SCP2: variants seen among roughly 807,000 people sequenced by gnomAD.
SCP2 encodes SCP-2/3-oxoacyl-CoA thiolase.
Under a neutral mutation model 71.4 loss-of-function variants are expected in SCP2, and 48 were observed. The ratio of observed to expected loss-of-function variants is 0.67; its 90% CI spans 0.53 to 0.86. SCP2 has a LOEUF of 0.86. SCP2 is among the 40% of genes least tolerant of loss of function. The pLI, the probability that SCP2 is intolerant of heterozygous loss-of-function variation, is 0.00. For synonymous variants in SCP2, 220 were observed against 218.1 expected (o/e 1.01, Z -0.08); for missense variants, 560 against 655.6 (o/e 0.85, Z 1.59).
chr1:52,956,337 C>G lies in SCP2; in HGVS notation c.396+1533C>G, dbSNP rs536796157. On this transcript the variant is annotated intron_variant, in intron 5 of 15. Transcript: ENST00000371514. Reference sequence around the variant, plus strand: ...AAAATGAGTTGAAGATAATTTTTTACTGTTATCTAAGATTATACTATTATC... The same window carrying G: ...AAAATGAGTTGAAGATAATTTTTTAGTGTTATCTAAGATTATACTATTATC... Among the ~76,000 whole-genome samples, 20 of 152,212 alleles carry G rather than the reference C, an allele frequency of 1.3e-4. No individual in the cohort carries two copies. In the East Asian group the frequency reaches 3.9e-3, roughly 29 times the overall value.
intron 14 of SCP2, among the ~76,000 whole-genome samples, chr1:53,040,591 G>T (rs1377461784): frequency 2.0e-5 from 3 of 152,022 alleles, no homozygotes. Context: ...CGTAGTGGCG[G>T]GCACGTGTAG....
intron 12 of SCP2, among the ~76,000 whole-genome samples, chr1:53,023,849 C>T (rs1661919045): frequency 6.6e-6 from 1 of 152,010 alleles, no homozygotes; most frequent in African/African-American, 2.4e-5. Context: ...ACTCTCCACA[C>T]CCTTCCTTTC....
intron 3 of SCP2, among the ~76,000 whole-genome samples, chr1:52,949,245 A>C (rs1442357392): frequency 6.6e-6 from 1 of 152,192 alleles, no homozygotes; most frequent in Non-Finnish European, 1.5e-5. Flanking sequence ...AAAGGGATGC[A>C]GAATATATTT....
chr1:52,999,323 A>C (rs1203048784), intron 11 of SCP2, among the ~76,000 whole-genome samples: 1 of 152,238 alleles, frequency 6.6e-6, no homozygotes, highest in African/African-American at 2.4e-5. Flanking sequence ...AGTTACTTGG[A>C]TAACAAACTG....
At chr1:53,045,548 A>G (rs1160822740) in intron 14 of SCP2, among the ~76,000 whole-genome samples, 1 of 152,116 alleles carries the variant, frequency 6.6e-6, no homozygotes, top group Non-Finnish European at 1.5e-5. Context: ...ACTTACTTCT[A>G]CTGGACACGC....
At chr1:53,048,394 C>G (rs11206081) in intron 15 of SCP2, 33,933 of 237,166 alleles carry the variant, frequency 0.14, 5,972 homozygotes, top group African/African-American at 0.49. Flanking sequence ...TGCCCATGCT[C>G]TTCTTTTTGC....
At chr1:53,009,962 G>A (rs1447761532) in intron 11 of SCP2, among the ~76,000 whole-genome samples, 1 of 152,176 alleles carries the variant, frequency 6.6e-6, no homozygotes, top group African/African-American at 2.4e-5. Context: ...CAAAAAGCGG[G>A]AGAAGGATAT....
At chr1:53,044,238 A>T (rs1291801252) in intron 14 of SCP2, among the ~76,000 whole-genome samples, 3 of 152,062 alleles carry the variant, frequency 2.0e-5, no homozygotes, top group Admixed American at 6.6e-5. Context: ...TTGTATTTTT[A>T]GTAGAGATGG....
chr1:53,029,387 C>A (rs368923900), intron 13 of SCP2, among the ~76,000 whole-genome samples: 1 of 151,898 alleles, frequency 6.6e-6, no homozygotes, highest in African/African-American at 2.4e-5. Flanking sequence ...CCTTGGCCCC[C>A]CAAAGTGTTG....
At chr1:53,021,503 T>G (rs753788861) in intron 12 of SCP2, among the ~76,000 whole-genome samples, 20 of 149,848 alleles carry the variant, frequency 1.3e-4, no homozygotes, top group Non-Finnish European at 2.7e-4. Context: ...GTATTTTTAG[T>G]AGAGATGGGG....
chr1:52,941,926 C>T, intron 2 of SCP2, 73 bp downstream of exon 2: 1 of 1,132,988 alleles, frequency 8.8e-7, no homozygotes, highest in Admixed American at 1.7e-5. Flanking sequence ...ATGGATGGGG[C>T]AGCCTTGCAA....
At position 52,978,761 on chromosome 1, in the gene SCP2, C is replaced by T. The variant is rs372464916; in HGVS notation, c.825+394C>T. Among the ~76,000 whole-genome samples the T allele has an allele frequency of 1.2e-4, 18 of 152,192 alleles. 1 individual carries two copies. In the East Asian group the frequency reaches 3.5e-3, roughly 29 times the overall value. ...TATTTTTTGTAGAGACACAGTTTTG[C>T]CATGTTTCCCAGGCTGGTCTTGAAT... On this transcript the variant is annotated intron_variant, in intron 9 of 15. Transcript: ENST00000371514.
At chr1:53,030,265 C>T (rs910011447) in intron 13 of SCP2, among the ~76,000 whole-genome samples, 1 of 152,120 alleles carries the variant, frequency 6.6e-6, no homozygotes, top group African/African-American at 2.4e-5. Flanking sequence ...TGATGAATAT[C>T]AGGTTGTATT....
chr1:53,010,098 G>C (rs1660886214), intron 11 of SCP2, among the ~76,000 whole-genome samples: 1 of 152,178 alleles, frequency 6.6e-6, no homozygotes, highest in Admixed American at 6.5e-5. Context: ...ACACCAGTTA[G>C]AATGGTGATC....
intron 5 of SCP2, 82 bp downstream of exon 5, chr1:52,954,886 T>C: frequency 1.0e-6 from 1 of 995,424 alleles, no homozygotes; most frequent in South Asian, 1.3e-5. Context: ...TATGCATAGA[T>C]CTTGGTATTT....
At position 52,972,431 on chromosome 1, in the gene SCP2, A is replaced by T. The variant is rs537498738; in HGVS notation, c.524-2338A>T. Reference sequence around the variant, plus strand: ...TGATTAATCAGATCCTATGTTACGAAAAAAGGAAGAAAAGATACGAACATT... The same window carrying T: ...TGATTAATCAGATCCTATGTTACGATAAAAGGAAGAAAAGATACGAACATT... On this transcript the variant is annotated intron_variant, in intron 6 of 15. Transcript: ENST00000371514. Among the ~76,000 whole-genome samples, 13 of 152,324 alleles carry T rather than the reference A, an allele frequency of 8.5e-5. No individual in the cohort carries two copies. The East Asian group carries it at 2.5e-3, about 29-fold the overall frequency.
chr1:53,027,220 A>G (rs1486251486), intron 12 of SCP2, among the ~76,000 whole-genome samples: 1 of 152,030 alleles, frequency 6.6e-6, no homozygotes, highest in Non-Finnish European at 1.5e-5. Flanking sequence ...ACACCAGGCC[A>G]ATTTTTGTGT....
At chr1:53,037,960 C>CAA (rs1385691789) in intron 13 of SCP2, among the ~76,000 whole-genome samples, 1 of 80,420 alleles carries the variant, frequency 1.2e-5, no homozygotes. Flanking sequence ...TACACACACA[C>CAA]ACACACACAC....
intron 15 of SCP2, chr1:53,050,247 C>T: frequency 4.1e-6 from 1 of 245,090 alleles, no homozygotes; most frequent in African/African-American, 2.3e-5. Context: ...TTTGTGTATG[C>T]TTTTTCTCTC....
Sources: gnomAD v4.1 joint callset for allele counts (sites outside exome capture counted in the v4.1 genomes callset) on GRCh38, gnomAD v4.1.1 for gene constraint, MANE v1.5 for transcripts, NCBI Gene and HGNC (gene_info 2026-07-23, HGNC 2026-07-21) for gene names.